The following KCNIP4 variants were observed in gnomAD, a reference collection of about 807,000 sequenced individuals.
The protein encoded by KCNIP4 is potassium voltage-gated channel interacting protein 4, also known as Kv channel-interacting protein 4.
Under a neutral mutation model 34.0 loss-of-function variants are expected in KCNIP4, and 12 were observed. The observed-to-expected ratio is 0.35, with a 90% CI of 0.23 to 0.57. The LOEUF (loss-of-function observed/expected upper bound fraction) is 0.57, where lower values mean the gene tolerates loss of function less well. KCNIP4 is among the 20% of genes least tolerant of loss of function. KCNIP4 has a pLI of 0.83. For synonymous variants in KCNIP4, 124 were observed against 102.2 expected (o/e 1.21, Z -1.29); for missense variants, 238 against 311.7 (o/e 0.76, Z 1.78).
intron 1 of KCNIP4, among the ~76,000 whole-genome samples, chr4:21,892,590 T>A (rs2109404394): frequency 6.9e-6 from 1 of 145,494 alleles, no homozygotes; most frequent in African/African-American, 2.5e-5. Context: ...GCATCAGAAG[T>A]CTACTTAAAA....
chr4:21,929,670 A>C (rs561085219), intron 1 of KCNIP4, among the ~76,000 whole-genome samples: 151 of 152,174 alleles, frequency 9.9e-4, no homozygotes, highest in South Asian at 6.0e-3. Context: ...TTTCTCAGCT[A>C]AACTTCTTAA....
chr4:21,493,057 C>T (rs9991409), intron 1 of KCNIP4, among the ~76,000 whole-genome samples: 5,742 of 152,166 alleles, frequency 0.038, 326 homozygotes, highest in African/African-American at 0.12. Flanking sequence ...ATGTGGCACA[C>T]CTTATAGCTT....
intron 1 of KCNIP4, among the ~76,000 whole-genome samples, chr4:21,006,401 G>A (rs1308010391): frequency 6.6e-6 from 1 of 152,130 alleles, no homozygotes; most frequent in Non-Finnish European, 1.5e-5. Context: ...TTGGGCAACA[G>A]CACATACCAT....
At chr4:21,303,884 A>T in intron 1 of KCNIP4, 1 of 1,614,060 alleles carries the variant, frequency 6.2e-7, no homozygotes, top group Non-Finnish European at 8.5e-7. Context: ...AACTGCTATC[A>T]TTTCAAGCCC....
At chr4:20,740,629 T>G (rs1453439114) in intron 5 of KCNIP4, among the ~76,000 whole-genome samples, 1 of 152,114 alleles carries the variant, frequency 6.6e-6, no homozygotes, top group Non-Finnish European at 1.5e-5. Context: ...CATGCCAAAT[T>G]GTAAAGACCA....
intron 8 of KCNIP4, among the ~76,000 whole-genome samples, chr4:20,730,830 CT>C (rs1747939126): frequency 6.6e-6 from 1 of 152,118 alleles, no homozygotes; most frequent in African/African-American, 2.4e-5. Context: ...GTGAATAGCA[CT>C]TACTGAGCTG....
At chr4:21,116,163 G>A (rs1749656504) in intron 1 of KCNIP4, among the ~76,000 whole-genome samples, 1 of 152,174 alleles carries the variant, frequency 6.6e-6, no homozygotes, top group Admixed American at 6.5e-5. Flanking sequence ...TAAATAGCAA[G>A]TAAGATTTTT....
At chr4:20,828,335 G>A (rs1718020389) in intron 3 of KCNIP4, among the ~76,000 whole-genome samples, 1 of 152,194 alleles carries the variant, frequency 6.6e-6, no homozygotes, top group Non-Finnish European at 1.5e-5. Flanking sequence ...TCTGAGGCAG[G>A]AGAATCACGT....
intron 1 of KCNIP4, among the ~76,000 whole-genome samples, chr4:21,389,695 T>C (rs4697218): frequency 0.87 from 132,450 of 151,790 alleles, 57,926 homozygotes; most frequent in Non-Finnish European, 0.9. Flanking sequence ...TTAATCCAGT[T>C]TATCATTGAT....
At chr4:21,890,302 A>T (rs7662861) in intron 1 of KCNIP4, among the ~76,000 whole-genome samples, 149,083 of 152,172 alleles carry the variant, frequency 0.98, 73,110 homozygotes, top group East Asian at 1. Flanking sequence ...TAATTTATAT[A>T]CCTTAATGAC....
chr4:21,939,121 C>A (rs553280556), intron 1 of KCNIP4, among the ~76,000 whole-genome samples: 1 of 152,218 alleles, frequency 6.6e-6, no homozygotes, highest in East Asian at 1.9e-4. Flanking sequence ...TCTTAAATTG[C>A]AATTCTTCTA....
intron 1 of KCNIP4, among the ~76,000 whole-genome samples, chr4:21,258,918 G>T (rs1163798174): frequency 6.6e-6 from 1 of 152,068 alleles, no homozygotes; most frequent in Admixed American, 6.5e-5. Context: ...AAACATTAAT[G>T]ATGTCAATAA....
intron 1 of KCNIP4, among the ~76,000 whole-genome samples, chr4:21,222,595 T>C (rs560238027): frequency 6.2e-4 from 94 of 152,336 alleles, no homozygotes; most frequent in Non-Finnish European, 1.0e-3. Context: ...AACATGTTTT[T>C]AAATTTTTTT....
chr4:21,413,896 T>G (rs79478984), intron 1 of KCNIP4, among the ~76,000 whole-genome samples: 1,529 of 152,298 alleles, frequency 0.01, 21 homozygotes, highest in African/African-American at 0.035. Context: ...CAAACCACTT[T>G]TAACCAAGTC....
intron 1 of KCNIP4, among the ~76,000 whole-genome samples, chr4:21,796,887 A>C (rs1432585720): frequency 6.6e-6 from 1 of 152,358 alleles, no homozygotes; most frequent in East Asian, 1.9e-4. Context: ...AGTATTTTAC[A>C]GTAAAATGAT....
intron 1 of KCNIP4, among the ~76,000 whole-genome samples, chr4:21,908,470 C>T (rs1031551160): frequency 5.9e-5 from 9 of 152,250 alleles, no homozygotes; most frequent in African/African-American, 2.2e-4. Context: ...ACAGGCAAGC[C>T]CATTATTAGG....
chr4:21,897,094 T>A (rs1182939140), intron 1 of KCNIP4, among the ~76,000 whole-genome samples: 3 of 152,094 alleles, frequency 2.0e-5, no homozygotes, highest in Non-Finnish European at 4.4e-5. Context: ...TATTTTTGTG[T>A]AAAGCTTTAT....
At chr4:20,943,405 G>A (rs1403776191) in intron 1 of KCNIP4, among the ~76,000 whole-genome samples, 1 of 152,162 alleles carries the variant, frequency 6.6e-6, no homozygotes, top group Non-Finnish European at 1.5e-5. Context: ...TTGTGGCAGA[G>A]GCAATATTTT....
intron 1 of KCNIP4, among the ~76,000 whole-genome samples, chr4:21,780,473 T>C (rs1719510431): frequency 6.6e-6 from 1 of 152,102 alleles, no homozygotes. Context: ...AGCTATTTTT[T>C]TGGAGAGGGT....
Sources: allele counts gnomAD v4.1 joint callset (sites outside exome capture counted in the v4.1 genomes callset), GRCh38; gene constraint gnomAD v4.1.1; transcripts MANE v1.5; gene names NCBI Gene and HGNC (gene_info 2026-07-23, HGNC 2026-07-21).